The following PCDHA8 variants were observed in gnomAD, a reference collection of about 807,000 sequenced individuals.
The protein encoded by PCDHA8 is protocadherin alpha 8.
Under a neutral mutation model 61.8 loss-of-function variants are expected in PCDHA8, and 53 were observed. The ratio of observed to expected loss-of-function variants is 0.86; its 90% CI spans 0.69 to 1.08. PCDHA8 has a LOEUF of 1.08. PCDHA8 is among the 50% of genes least tolerant of loss of function. The pLI is 0.00. For missense variants in PCDHA8, 1,293 were observed against 1,245.0 expected (o/e 1.04, Z -0.58); for synonymous variants, 618 against 556.6 (o/e 1.11, Z -1.55).
At chr5:140,867,473 GA>G (rs1319417026) in intron 1 of PCDHA8, 2 of 151,968 alleles carry the variant, frequency 1.3e-5, no homozygotes, top group Non-Finnish European at 2.9e-5. Flanking sequence ...ACAACATTGG[GA>G]AAAGAGTAAA....
In PCDHA8 at chr5:140,875,574, C is replaced by T. The variant is rs368911944; in HGVS notation, c.2394+31859C>T. On this transcript the variant is annotated intron_variant, in intron 1 of 3. Coordinates refer to ENST00000531613, the MANE Select transcript of PCDHA8 (RefSeq NM_018911.3). ...TGGGGAGCGGCCAGCTCCACTACTC[C>T]GTCTACGAGGAGGCCAAACACGGCA... 7 of 1,613,978 alleles carry T rather than the reference C, an allele frequency of 4.3e-6. No homozygotes were observed. The African/African-American group carries it at 9.3e-5, about 22-fold the overall frequency.
chr5:140,860,028 C>A (rs2046140974), intron 1 of PCDHA8: 1 of 151,914 alleles, frequency 6.6e-6, no homozygotes, highest in South Asian at 2.1e-4. Context: ...GTGGCTCACA[C>A]CTGTAATCCC....
At chr5:140,883,341 C>G in intron 1 of PCDHA8, 1 of 1,614,144 alleles carries the variant, frequency 6.2e-7, no homozygotes, top group Non-Finnish European at 8.5e-7. Context: ...TTGTCACTCC[C>G]CATCAGAGAA....
chr5:140,856,591 T>G (rs1554148896), intron 1 of PCDHA8: 1 of 1,597,268 alleles, frequency 6.3e-7, no homozygotes, highest in African/African-American at 1.3e-5. Flanking sequence ...TTCTTGATAT[T>G]ATAAACAAAA....
intron 1 of PCDHA8, among the ~76,000 whole-genome samples, chr5:140,963,054 T>G (rs1554226381): frequency 6.6e-6 from 1 of 152,174 alleles, no homozygotes; most frequent in Non-Finnish European, 1.5e-5. Flanking sequence ...TATAAGGGTT[T>G]CTACATTGTG....
chr5:140,998,491 A>G (rs994652769), intron 3 of PCDHA8, among the ~76,000 whole-genome samples: 15 of 152,288 alleles, frequency 9.8e-5, no homozygotes, highest in African/African-American at 3.1e-4. Flanking sequence ...TAACTCTTTG[A>G]GAACAGGGTA....
intron 1 of PCDHA8, among the ~76,000 whole-genome samples, chr5:140,874,611 C>T (rs1274309771): frequency 6.6e-6 from 1 of 152,220 alleles, no homozygotes; most frequent in African/African-American, 2.4e-5. Flanking sequence ...GAGGCTTCAA[C>T]TAAACATTTT....
At chr5:140,861,422 T>G in intron 1 of PCDHA8, 1 of 482,430 alleles carries the variant, frequency 2.1e-6, no homozygotes, top group Admixed American at 2.1e-5. Flanking sequence ...CGCGCCTGTT[T>G]CAGTTGGATT....
Position 140,842,083 on chromosome 5 carries a change from C to T in PCDHA8, c.762C>T (p.Asn254=), listed in dbSNP as rs2150328949. 212 of 1,613,806 alleles carry T rather than the reference C, an allele frequency of 1.3e-4. No individual in the cohort carries two copies. The highest frequency in any genetic ancestry group is 1.3e-3 in the East Asian group (58 of 44,876). ...AATACGAAGTAAGAATATTCGAAAACGCAGACAACGGAACAACAGTTATCA... is the reference window on the plus strand; with the variant it reads ...AATACGAAGTAAGAATATTCGAAAATGCAGACAACGGAACAACAGTTATCA... ...QSEYEVRIFE[N]ADNGTTVIKL... The change falls in exon 1 of 4, where the codon AAC becomes AAT. Residue 254 remains asparagine (N), a synonymous_variant. Transcript: ENST00000531613.
Position 140,883,352 on chromosome 5 carries a change from G to A in PCDHA8, c.2394+39637G>A, listed in dbSNP as rs1554177776. ...TTCTTTGTCACTCCCCATCAGAGAA[G>A]ACACTCAGCCTAGCGCCATTATTGC... is the stretch of plus-strand genomic sequence containing the variant. On this transcript the variant is annotated intron_variant, in intron 1 of 3. Coordinates refer to ENST00000531613, the MANE Select transcript of PCDHA8 (RefSeq NM_018911.3). The A allele has an allele frequency of 1.9e-6, 3 of 1,614,164 alleles. No homozygotes were observed. In the East Asian group the frequency reaches 6.7e-5, roughly 36 times the overall value.
rs1411970319 is a variant in PCDHA8, at chr5:140,927,470, G to A, written c.2395-51479G>A. The A allele has an allele frequency of 4.3e-6, 7 of 1,614,054 alleles. 1 individual carries two copies. The highest frequency in any genetic ancestry group is 3.3e-5 in the South Asian group (3 of 91,088). ...TTGGTGTTGGAGAAAGCACTGGATC[G>A]CGAACAGCGCGCCACCCACCTGCTG... On this transcript the variant is annotated intron_variant, in intron 1 of 3. Transcript: ENST00000531613.
At position 140,858,244 on chromosome 5, in the gene PCDHA8, G is replaced by T. The variant is rs782743084; in HGVS notation, c.2394+14529G>T. The T allele has an allele frequency of 1.9e-5, 30 of 1,595,808 alleles. 1 individual carries two copies. The highest frequency in any genetic ancestry group is 3.4e-4 in the Middle Eastern group (2 of 5,896). On this transcript the variant is annotated intron_variant, in intron 1 of 3. Transcript: ENST00000531613. Reference sequence around the variant, plus strand: ...CGCCCACCGAGGGCGCATGTGGGCCGGTGAAGCCCACGCTGGTGTGCTCTA... The same window carrying T: ...CGCCCACCGAGGGCGCATGTGGGCCTGTGAAGCCCACGCTGGTGTGCTCTA...
chr5:140,965,672 A>G (rs1586083629), intron 1 of PCDHA8, among the ~76,000 whole-genome samples: 1 of 152,360 alleles, frequency 6.6e-6, no homozygotes, highest in South Asian at 2.1e-4. Context: ...TGATAAATGT[A>G]AAAGATTTGA....
Position 140,852,810 on chromosome 5 carries a change from C to T in PCDHA8, c.2394+9095C>T, listed in dbSNP as rs2150522687. On this transcript the variant is annotated intron_variant, in intron 1 of 3. Transcript: ENST00000531613. The stretch of plus-strand genomic sequence containing the variant: ...GATGCTACAGATGTCATTTGTCTCC[C>T]GCCCTAAGTCCTCCAGTCTCCTTAG... 3.4e-5 allele frequency: 33 copies of T among 973,688 alleles called. 1 individual carries two copies. The highest frequency in any genetic ancestry group is 1.4e-4 in the South Asian group (3 of 20,896). The allele number at this position is 973,688 out of a possible 1,614,324, so 60.3% of individuals were successfully genotyped here. A position where few individuals can be genotyped will look rare whatever the true frequency, so the allele number is the denominator to read the frequency against.
intron 1 of PCDHA8, chr5:140,866,782 C>A (rs1318646938): frequency 1.3e-5 from 2 of 152,160 alleles, no homozygotes; most frequent in Admixed American, 6.5e-5. Context: ...TATGTCCTGA[C>A]TGATATAGTA....
chr5:140,872,582 G>A (rs535860760), intron 1 of PCDHA8, among the ~76,000 whole-genome samples: 8 of 152,084 alleles, frequency 5.3e-5, no homozygotes, highest in Non-Finnish European at 1.2e-4. Flanking sequence ...ACCTATCATC[G>A]TGAGACCCCC....
At position 141,010,340 on chromosome 5, in the gene PCDHA8, C is replaced by T. The variant is rs1400539624; in HGVS notation, c.*403C>T. 2 of 1,533,798 alleles carry T rather than the reference C, an allele frequency of 1.3e-6. No homozygotes were observed. Among genetic ancestry groups the T allele is most frequent in the Non-Finnish European group, 1.8e-6 (2 of 1,140,544 alleles). On this transcript the variant is annotated 3_prime_UTR_variant, in exon 4 of 4. Coordinates refer to ENST00000531613, the MANE Select transcript of PCDHA8 (RefSeq NM_018911.3). ...TGAGCAGCTTGGGAGTTTGTGGCCA[C>T]TGGGTATGTGTGGCTACCGCGGGTA...
intron 1 of PCDHA8, among the ~76,000 whole-genome samples, chr5:140,885,040 T>C (rs2060438917): frequency 6.6e-6 from 1 of 152,226 alleles, no homozygotes; most frequent in African/African-American, 2.4e-5. Context: ...AATTTTTAGT[T>C]TAATGTATAC....
At chr5:140,873,283 A>G (rs1554166657) in intron 1 of PCDHA8, among the ~76,000 whole-genome samples, 1 of 152,258 alleles carries the variant, frequency 6.6e-6, no homozygotes, top group Non-Finnish European at 1.5e-5. Flanking sequence ...CATACCACTT[A>G]TGAAACTTTA....
Sources: gnomAD v4.1 joint callset for allele counts (sites outside exome capture counted in the v4.1 genomes callset) on GRCh38, gnomAD v4.1.1 for gene constraint, MANE v1.5 for transcripts, NCBI Gene and HGNC (gene_info 2026-07-23, HGNC 2026-07-21) for gene names.